Variants in PKHD1L1 observed in about 807,000 individuals in gnomAD.
The protein encoded by PKHD1L1 is fibrocystin-L.
A neutral mutation model predicts 462.9 loss-of-function variants in PKHD1L1; 434 were observed. The ratio of observed to expected loss-of-function variants is 0.94; its 90% CI spans 0.87 to 1.02. The LOEUF (loss-of-function observed/expected upper bound fraction) is 1.02. PKHD1L1 is among the 50% of genes least tolerant of loss of function. The probability of loss-of-function intolerance (pLI) is 0.00; values close to 1 mark genes in which losing one functional copy is unlikely to be tolerated. For missense variants in PKHD1L1, 5,202 were observed against 5,096.1 expected (o/e 1.02, Z -0.63); for synonymous variants, 1,781 against 1,750.0 (o/e 1.02, Z -0.44).
intron 5 of PKHD1L1, among the ~76,000 whole-genome samples, chr8:109,384,556 T>A (rs945798801): frequency 3.9e-5 from 6 of 152,144 alleles, no homozygotes; most frequent in Non-Finnish European, 8.8e-5. Flanking sequence ...ACCAATATTT[T>A]AAAAAATTGA....
At chr8:109,484,945 TGAG>T in intron 57 of PKHD1L1, 96 bp from the exon 58 acceptor site, 1 of 970,748 alleles carries the variant, frequency 1.0e-6, no homozygotes, top group Non-Finnish European at 1.5e-6. Context: ...TAATTGCCAA[TGAG>T]ATATACATTA....
At chr8:109,460,739 GA>G (rs924310285) in intron 47 of PKHD1L1, among the ~76,000 whole-genome samples, 1 of 152,180 alleles carries the variant, frequency 6.6e-6, no homozygotes, top group Non-Finnish European at 1.5e-5. Flanking sequence ...AAATGTCAGT[GA>G]TTTAAAATAT....
At chr8:109,443,482 CTATT>C (rs1212333100) in intron 36 of PKHD1L1, among the ~76,000 whole-genome samples, 190 bp from the exon 37 acceptor site, 2 of 152,176 alleles carry the variant, frequency 1.3e-5, no homozygotes, top group African/African-American at 2.4e-5. Context: ...TCAGTTTTCT[CTATT>C]TACTGTGACA....
rs200739447 is a variant in PKHD1L1, at chr8:109,374,125, T to C, written c.164-7245T>C. On this transcript the variant is annotated intron_variant, in intron 2 of 77. Transcript: ENST00000378402. ...GGGTGTTAGACTCCCATTATTATTG[T>C]GTGGGAGTCTAAGTCTCTCTTTAGG... Among the ~76,000 whole-genome samples the C allele has an allele frequency of 7.2e-5, 11 of 152,324 alleles. No homozygotes were observed. The East Asian group carries it at 2.1e-3, about 29-fold the overall frequency.
chr8:109,455,299 C>T (rs1379256917), intron 45 of PKHD1L1, among the ~76,000 whole-genome samples: 1 of 152,222 alleles, frequency 6.6e-6, no homozygotes, highest in Non-Finnish European at 1.5e-5. Context: ...GATCACACCA[C>T]TGCGCTCTAG....
intron 71 of PKHD1L1, among the ~76,000 whole-genome samples, chr8:109,513,249 G>A (rs1820091687): frequency 6.6e-6 from 1 of 151,956 alleles, no homozygotes; most frequent in Admixed American, 6.6e-5. Flanking sequence ...TAGGAGTGGT[G>A]AGAGAGGGCA....
At chr8:109,514,446 G>C (rs951248955) in intron 71 of PKHD1L1, among the ~76,000 whole-genome samples, 2 of 152,028 alleles carry the variant, frequency 1.3e-5, no homozygotes, top group Non-Finnish European at 2.9e-5. Flanking sequence ...ATACCACATG[G>C]CTGAAATAGG....
Position 109,412,228 on chromosome 8 carries a change from A to G in PKHD1L1, c.2086-37A>G, listed in dbSNP as rs77484442. On this transcript the variant is annotated intron_variant, in intron 19 of 77. Coordinates refer to ENST00000378402, the MANE Select transcript of PKHD1L1 (RefSeq NM_177531.6). ...ACGTTGGGGGAAAACCAGAACAATAAATCATGTTTTCATTTGAAATATTAT... is the reference window on the plus strand; with the variant it reads ...ACGTTGGGGGAAAACCAGAACAATAGATCATGTTTTCATTTGAAATATTAT... 4.7e-3 allele frequency: 7,549 copies of G among 1,607,578 alleles called. 149 individuals are homozygous for G. The highest frequency in any genetic ancestry group is 0.039 in the African/African-American group (2,928 of 74,878).
intron 50 of PKHD1L1, among the ~76,000 whole-genome samples, chr8:109,472,515 T>C (rs1817773856): frequency 6.6e-6 from 1 of 152,178 alleles, no homozygotes; most frequent in Non-Finnish European, 1.5e-5. Flanking sequence ...AGAATTAAGA[T>C]TTTTTATTGA....
rs564844348 is a variant in PKHD1L1 at position 109,511,637 on chromosome 8, T to C, written c.11553+703T>C. Among the ~76,000 whole-genome samples, 250 of 152,208 alleles carry C rather than the reference T, an allele frequency of 1.6e-3. 1 individual carries two copies. Among genetic ancestry groups the C allele is most frequent in the African/African-American group, 5.9e-3 (244 of 41,516 alleles). Reference sequence around the variant, plus strand: ...GGTTCCAAGTCTTTGCTATTGTGAATAGTGCCACAATAAACATACGTGTGC... The same window carrying C: ...GGTTCCAAGTCTTTGCTATTGTGAACAGTGCCACAATAAACATACGTGTGC... On this transcript the variant is annotated intron_variant, in intron 71 of 77. Transcript: ENST00000378402.
In PKHD1L1 at chr8:109,452,149, A is replaced by G. The variant is rs1377137989; in HGVS notation, c.6376A>G (p.Thr2126Ala). Residue 2126 changes from threonine to alanine, a missense_variant, in exon 42 of 78, where the codon ACC (threonine) becomes GCC (alanine). Thr to Ala is a moderately conservative substitution (Grantham distance 58). Around this residue, in one of 3 missense-constraint regions of PKHD1L1, gnomAD observed 4,497 missense variants for 4,336.8 expected, o/e 1.04. Transcript: ENST00000378402. ...FSENMEDVHI[T>A]IAEAKCDVEY... ...TGAAAATATGGAGGATGTTCATATC[A>G]CCATAGCTGAAGCCAAATGTGATGT... is the stretch of plus-strand genomic sequence containing the variant. 2 of 1,611,696 alleles carry G rather than the reference A, an allele frequency of 1.2e-6. No homozygotes were observed. The highest frequency in any genetic ancestry group is 4.5e-5 in the East Asian group (2 of 44,748).
intron 11 of PKHD1L1, among the ~76,000 whole-genome samples, chr8:109,397,292 T>C (rs1352325170): frequency 1.3e-5 from 2 of 152,174 alleles, no homozygotes; most frequent in Non-Finnish European, 2.9e-5. Flanking sequence ...TGTCTTTCCT[T>C]TGCTTCCAAT....
intron 21 of PKHD1L1, among the ~76,000 whole-genome samples, chr8:109,418,148 T>TTTATAAAA (rs1814279683): frequency 6.6e-6 from 1 of 152,336 alleles, no homozygotes; most frequent in South Asian, 2.1e-4. Flanking sequence ...AAGGTCCTGT[T>TTTATAAAA]CAGTATGCCA....
chr8:109,402,373 T>C (rs1022618789), intron 14 of PKHD1L1, among the ~76,000 whole-genome samples: 3 of 152,188 alleles, frequency 2.0e-5, no homozygotes, highest in Admixed American at 2.0e-4. Flanking sequence ...GCTGGTTTAT[T>C]TGGGGACTGG....
At position 109,490,034 on chromosome 8, in the gene PKHD1L1, A is replaced by G. The variant is rs866952096; in HGVS notation, c.9963A>G (p.Val3321=). The G allele has an allele frequency of 1.7e-5, 27 of 1,604,474 alleles. 1 individual carries two copies. The Middle Eastern group carries it at 3.1e-3, about 187-fold the overall frequency. ...FRDSTDPRYA[V]TFLNLGQIQE... ...ATAGCACAGATCCAAGATATGCTGTAACGTTTCTTAACCTAGGACAGGTTT... is the reference window on the plus strand; with the variant it reads ...ATAGCACAGATCCAAGATATGCTGTGACGTTTCTTAACCTAGGACAGGTTT... Residue 3321 remains valine (V), a synonymous_variant, in exon 60 of 78, where the codon GTA becomes GTG. Coordinates refer to ENST00000378402, the MANE Select transcript of PKHD1L1 (RefSeq NM_177531.6).
At chr8:109,385,723 C>T in intron 6 of PKHD1L1, 93 bp downstream of exon 6, 1 of 727,940 alleles carries the variant, frequency 1.4e-6, no homozygotes, top group Non-Finnish European at 2.1e-6. Context: ...AATCCCATTA[C>T]AATGTAATAT....
intron 68 of PKHD1L1, among the ~76,000 whole-genome samples, chr8:109,504,893 T>A (rs1414541542): frequency 2.6e-5 from 4 of 151,652 alleles, no homozygotes; most frequent in Admixed American, 6.6e-5. Context: ...TTTGAGGACA[T>A]CCTGGAAAAT....
chr8:109,496,993 G>C lies in PKHD1L1; in HGVS notation c.10402G>C (p.Asp3468His). ...TTTATATGGGATCTATATGAACCAA[G>C]ATGGCCTTCCTGGATGTTCTCTTAT... ...GGLYGIYMNQ[D>H]GLPGCSLIQG... is the part of the protein sequence containing the mutation. Residue 3468 changes from aspartate to histidine, a missense_variant, in exon 64 of 78, where the codon GAT (aspartate) becomes CAT (histidine). Asp to His is a moderately conservative substitution (Grantham distance 81). Around this residue, in one of 3 missense-constraint regions of PKHD1L1, gnomAD observed 4,497 missense variants for 4,336.8 expected, o/e 1.04. Coordinates refer to ENST00000378402, the MANE Select transcript of PKHD1L1 (RefSeq NM_177531.6). 6.2e-7 allele frequency: 1 copy of C among 1,613,508 alleles called. No individual in the cohort carries two copies. Among genetic ancestry groups the C allele is most frequent in the Non-Finnish European group, 8.5e-7 (1 of 1,179,490 alleles).
chr8:109,475,165 G>T lies in PKHD1L1; in HGVS notation c.8653G>T (p.Gly2885Ter). Residue 2885 changes from glycine to a stop codon, truncating the protein, a stop_gained, in exon 51 of 78, where the codon GGA becomes TGA. Transcript: ENST00000378402. LOFTEE classifies it high-confidence loss of function. ...FQKKRLTHMSGWMALIPNANH... is the reference protein window; with the variant it reads ...FQKKRLTHMS ...GAAGAAACGACTGACTCATATGTCTGGATGGATGGCTCTGATTCCAAATGC... is the reference window on the plus strand; with the variant it reads ...GAAGAAACGACTGACTCATATGTCTTGATGGATGGCTCTGATTCCAAATGC... 2 of 1,612,504 alleles carry T rather than the reference G, an allele frequency of 1.2e-6. No homozygotes were observed. Among genetic ancestry groups the T allele is most frequent in the South Asian group, 1.1e-5 (1 of 90,952 alleles).
Sources: gnomAD v4.1 joint callset for allele counts (sites outside exome capture counted in the v4.1 genomes callset) on GRCh38, gnomAD v4.1.1 for gene constraint, gnomAD v4.1.1 regional missense constraint, MANE v1.5 for transcripts, NCBI Gene and HGNC (gene_info 2026-07-23, HGNC 2026-07-21) for gene names.